The following CBFB variants were observed in gnomAD, a reference collection of about 807,000 sequenced individuals.
The protein encoded by CBFB is core-binding factor subunit beta.
In CBFB, 9 loss-of-function variants were observed where a neutral mutation model predicts 30.4. The observed-to-expected ratio is 0.30, with a 90% CI of 0.18 to 0.52. CBFB has a LOEUF of 0.52. CBFB is among the 20% of genes least tolerant of loss of function. The pLI is 0.97. For missense variants in CBFB, 170 were observed against 244.0 expected, an observed-to-expected ratio of 0.70 and a Z score of 2.02; for synonymous variants, 94 against 84.0, an observed-to-expected ratio of 1.12 and a Z score of -0.65.
intron 3 of CBFB, among the ~76,000 whole-genome samples, chr16:67,047,172 C>T (rs1019538191): frequency 2.0e-5 from 3 of 151,780 alleles, no homozygotes; most frequent in Non-Finnish European, 2.9e-5. Flanking sequence ...ATTAGCCAGG[C>T]ATAAGCTGAG....
chr16:67,046,303 G>C lies in CBFB; in HGVS notation c.282+9548G>C, dbSNP rs552476286. Among the ~76,000 whole-genome samples the C allele has an allele frequency of 5.4e-4, 81 of 149,246 alleles. 1 individual carries two copies. In the Middle Eastern group the frequency reaches 0.037, roughly 69 times the overall value. On this transcript the variant is annotated intron_variant, in intron 3 of 5. Transcript: ENST00000412916. Reference sequence around the variant, plus strand: ...TTTGTAGATATGGGGGTCTCACCATGTTGCCCAGGCTGGTCTCAAACTCCT... The same window carrying C: ...TTTGTAGATATGGGGGTCTCACCATCTTGCCCAGGCTGGTCTCAAACTCCT...
intron 3 of CBFB, among the ~76,000 whole-genome samples, chr16:67,037,625 C>A (rs1158460801): frequency 6.6e-6 from 1 of 150,626 alleles, no homozygotes; most frequent in African/African-American, 2.4e-5. Flanking sequence ...AAGCTGAGAG[C>A]CTTATTTCAG....
intron 5 of CBFB, among the ~76,000 whole-genome samples, chr16:67,096,294 G>C (rs1293749113): frequency 1.3e-5 from 2 of 151,422 alleles, no homozygotes; most frequent in African/African-American, 4.9e-5. Context: ...CTGGAAAACA[G>C]AGCAAGACTC....
chr16:67,065,305 C>T (rs1961021886), intron 3 of CBFB, among the ~76,000 whole-genome samples: 1 of 152,164 alleles, frequency 6.6e-6, no homozygotes, highest in African/African-American at 2.4e-5. Context: ...CTTTTTTAAA[C>T]TGCAGTGCAT....
At chr16:67,090,478 A>C (rs367741589) in intron 5 of CBFB, among the ~76,000 whole-genome samples, 2 of 152,156 alleles carry the variant, frequency 1.3e-5, no homozygotes, top group Admixed American at 6.6e-5. Context: ...AACTAATTCA[A>C]ATGTCTTTTG....
chr16:67,033,560 T>C (rs544602660), intron 2 of CBFB, among the ~76,000 whole-genome samples: 1 of 152,082 alleles, frequency 6.6e-6, no homozygotes, highest in Admixed American at 6.6e-5. Context: ...CCTCAAGTGA[T>C]GTGCCTGCCT....
intron 3 of CBFB, among the ~76,000 whole-genome samples, chr16:67,063,567 A>G (rs1960970275): frequency 6.6e-6 from 1 of 152,028 alleles, no homozygotes; most frequent in Non-Finnish European, 1.5e-5. Context: ...TCAGCCTCCC[A>G]AGGAGCTGAG....
chr16:67,054,443 A>G (rs904856201), intron 3 of CBFB, among the ~76,000 whole-genome samples: 2 of 152,110 alleles, frequency 1.3e-5, no homozygotes, highest in Admixed American at 6.5e-5. Context: ...GTATTTATCT[A>G]TGATGTAACC....
intron 3 of CBFB, among the ~76,000 whole-genome samples, chr16:67,061,774 G>A (rs548550804): frequency 3.4e-4 from 52 of 152,276 alleles, no homozygotes; most frequent in Middle Eastern, 3.4e-3. Flanking sequence ...ACTCACACTT[G>A]TAATCCCAGC....
At chr16:67,050,202 TTATA>T (rs1316818778) in intron 3 of CBFB, among the ~76,000 whole-genome samples, 1 of 147,914 alleles carries the variant, frequency 6.8e-6, no homozygotes. Flanking sequence ...ATAATATATG[TTATA>T]TATATAATTT....
intron 5 of CBFB, among the ~76,000 whole-genome samples, chr16:67,086,938 G>C (rs1432274375): frequency 1.3e-5 from 2 of 152,028 alleles, no homozygotes; most frequent in Non-Finnish European, 2.9e-5. Flanking sequence ...GAAATTCACA[G>C]GGTAGTATAC....
intron 3 of CBFB, among the ~76,000 whole-genome samples, chr16:67,051,852 C>T (rs1200151283): frequency 6.7e-6 from 1 of 149,654 alleles, no homozygotes; most frequent in East Asian, 2.0e-4. Context: ...GGGTTTTAAG[C>T]TATTCTCCTG....
At chr16:67,044,524 A>AT (rs985840061) in intron 3 of CBFB, among the ~76,000 whole-genome samples, 30 of 151,914 alleles carry the variant, frequency 2.0e-4, no homozygotes, top group South Asian at 4.1e-4. Context: ...GATAAGTTGT[A>AT]TTTTTTTTCT....
At chr16:67,057,963 A>G (rs1183514237) in intron 3 of CBFB, among the ~76,000 whole-genome samples, 1 of 152,158 alleles carries the variant, frequency 6.6e-6, no homozygotes, top group East Asian at 1.9e-4. Context: ...TTTCTCATGG[A>G]TGGCCTGATT....
intron 5 of CBFB, among the ~76,000 whole-genome samples, chr16:67,091,819 T>G (rs1354664322): frequency 2.6e-5 from 4 of 152,176 alleles, no homozygotes; most frequent in Non-Finnish European, 5.9e-5. Flanking sequence ...CCATGGTGGT[T>G]TGCTGCATCT....
intron 4 of CBFB, among the ~76,000 whole-genome samples, chr16:67,080,480 GA>G (rs138495946): frequency 3.3e-5 from 5 of 150,598 alleles, no homozygotes; most frequent in African/African-American, 7.3e-5. Flanking sequence ...GTTTCTTGCA[GA>G]AAAAAAAATG....
chr16:67,030,791 G>A (rs1357869702), intron 2 of CBFB, among the ~76,000 whole-genome samples: 2 of 152,100 alleles, frequency 1.3e-5, no homozygotes, highest in Non-Finnish European at 2.9e-5. Flanking sequence ...GTAGAGACGG[G>A]GTTTCACCTT....
At chr16:67,046,567 A>T (rs942853155) in intron 3 of CBFB, among the ~76,000 whole-genome samples, 2 of 152,128 alleles carry the variant, frequency 1.3e-5, no homozygotes, top group African/African-American at 2.4e-5. Context: ...AGTACAGTTC[A>T]CCTATTTTAA....
At chr16:67,082,774 T>C (rs1177699519) in intron 5 of CBFB, among the ~76,000 whole-genome samples, 2 of 152,180 alleles carry the variant, frequency 1.3e-5, no homozygotes, top group Non-Finnish European at 2.9e-5. Flanking sequence ...AAATTTAATA[T>C]TCAAACTATT....
Sources: allele counts gnomAD v4.1 joint callset (sites outside exome capture counted in the v4.1 genomes callset), GRCh38; gene constraint gnomAD v4.1.1; transcripts MANE v1.5; gene names NCBI Gene and HGNC (gene_info 2026-07-23, HGNC 2026-07-21).